Variants in TEX11 observed in about 807,000 individuals in gnomAD.
TEX11 encodes testis expressed 11, also known as testis-expressed protein 11.
Under a neutral mutation model 84.4 loss-of-function variants are expected in TEX11, and 7 were observed. The ratio of observed to expected loss-of-function variants is 0.08; its 90% confidence interval spans 0.05 to 0.16. The LOEUF is 0.16. Among genes scored for constraint, TEX11 ranks in the 10% least tolerant of loss-of-function variants. TEX11 has a pLI of 1.00. For missense variants in TEX11, 551 were observed against 660.5 expected (o/e 0.83, Z 1.82); for synonymous variants, 264 against 222.8 (o/e 1.18, Z -1.64).
intron 8 of TEX11, among the ~76,000 whole-genome samples, chrX:70,830,031 T>C (rs757986285): frequency 6.4e-5 from 7 of 109,665 alleles, no homozygotes; most frequent in Non-Finnish European, 1.1e-4. Context: ...ACACTGAATG[T>C]AAATAGACTA....
Position 70,593,785 on chromosome X carries a change from A to T in TEX11, c.2068-1962T>A, listed in dbSNP as rs139215372. ...ATCAACATTAGGTTTGACTTAGCAG[A>T]GGAAGCAATCAGCAAACATGAAGAT... On this transcript the variant is annotated intron_variant, in intron 24 of 29. Coordinates refer to ENST00000374333, the MANE Select transcript of TEX11 (RefSeq NM_031276.3). Among the ~76,000 whole-genome samples, 13 of 111,479 alleles carry T rather than the reference A, an allele frequency of 1.2e-4. No individual in the cohort carries two copies. In the East Asian group the frequency reaches 3.1e-3, roughly 26 times the overall value.
intron 8 of TEX11, among the ~76,000 whole-genome samples, chrX:70,823,547 A>T (rs2091329563): frequency 9.0e-6 from 1 of 111,466 alleles, no homozygotes; most frequent in Admixed American, 9.6e-5. Context: ...TTATTTGTCA[A>T]TTCTACCAAA....
At chrX:70,816,850 A>T (rs1282423045) in intron 8 of TEX11, among the ~76,000 whole-genome samples, 1 of 111,489 alleles carries the variant, frequency 9.0e-6, no homozygotes, top group African/African-American at 3.3e-5. Flanking sequence ...GAGGGTAAGC[A>T]CCCAGGGAAA....
intron 15 of TEX11, among the ~76,000 whole-genome samples, chrX:70,676,934 T>C (rs1337165413): frequency 1.8e-5 from 2 of 112,079 alleles, no homozygotes; most frequent in South Asian, 3.7e-4. Context: ...GGTCTTTACG[T>C]ATCTTCCATG....
chrX:70,762,859 T>C (rs181407217), intron 9 of TEX11, among the ~76,000 whole-genome samples: 161 of 109,292 alleles, frequency 1.5e-3, no homozygotes, highest in African/African-American at 5.0e-3. Flanking sequence ...CATGGAAAAA[T>C]CCCATCTCTA....
At chrX:70,738,404 A>T (rs2090711558) in intron 11 of TEX11, among the ~76,000 whole-genome samples, 1 of 112,474 alleles carries the variant, frequency 8.9e-6, no homozygotes, top group Non-Finnish European at 1.9e-5. Flanking sequence ...ATGAGATAAC[A>T]TCTCACGACA....
chrX:70,899,628 C>A (rs1442867907), intron 2 of TEX11, among the ~76,000 whole-genome samples: 1 of 107,750 alleles, frequency 9.3e-6, no homozygotes, highest in Non-Finnish European at 1.9e-5. Flanking sequence ...AATATAGAGG[C>A]TGGGCACCGT....
the TEX11 span, among the ~76,000 whole-genome samples, chrX:70,514,878 G>A: frequency 9.0e-6 from 1 of 110,588 alleles, no homozygotes; most frequent in Non-Finnish European, 1.9e-5. Context: ...GACTAGCTTG[G>A]CCTACATGGT....
intron 15 of TEX11, among the ~76,000 whole-genome samples, chrX:70,671,615 A>G (rs1330540791): frequency 9.1e-6 from 1 of 109,389 alleles, no homozygotes; most frequent in African/African-American, 3.3e-5. Context: ...TCAGTAAAAA[A>G]ATAAATAAAG....
At chrX:70,613,757 T>C (rs1260889002) in intron 20 of TEX11, among the ~76,000 whole-genome samples, 1 of 111,232 alleles carries the variant, frequency 9.0e-6, no homozygotes, top group African/African-American at 3.3e-5. Context: ...CTGGGTAGCA[T>C]AGCTTGTGGC....
At chrX:70,639,281 C>T (rs2147580160) in intron 17 of TEX11, among the ~76,000 whole-genome samples, 1 of 111,981 alleles carries the variant, frequency 8.9e-6, no homozygotes, top group African/African-American at 3.2e-5. Flanking sequence ...CCCACGGAGT[C>T]TCGCTGATTG....
At chrX:70,547,252 G>C (rs1189894156) in intron 28 of TEX11, among the ~76,000 whole-genome samples, 1 of 110,517 alleles carries the variant, frequency 9.0e-6, no homozygotes, top group African/African-American at 3.3e-5. Context: ...CTGCAAATGG[G>C]CAAGGGGAAA....
In TEX11 at chrX:70,740,600, TGA is replaced by T. The variant is rs745622871; in HGVS notation, c.843+99_843+100del. On this transcript the variant is annotated intron_variant, in intron 11 of 29. Transcript: ENST00000374333. ...CTATAGAAGAGATTATAACAATCTG[TGA>T]GAGTAAATGCTGAAGCAAATGTCTA... The T allele has an allele frequency of 2.1e-4, 99 of 481,423 alleles. No individual in the cohort carries two copies. The East Asian group carries it at 3.8e-3, about 19-fold the overall frequency. 39.7% of individuals were successfully genotyped at this position (481,423 alleles called of 1,213,427 possible).
the TEX11 span, among the ~76,000 whole-genome samples, chrX:70,513,528 T>C: frequency 9.4e-6 from 1 of 106,826 alleles, no homozygotes; most frequent in Non-Finnish European, 1.9e-5. Context: ...TTGTCCTATG[T>C]TGCCCCAGCT....
the TEX11 span, among the ~76,000 whole-genome samples, chrX:70,517,962 G>A: frequency 9.1e-6 from 1 of 110,416 alleles, no homozygotes; most frequent in South Asian, 3.9e-4. Context: ...GGGATCGGTG[G>A]TGATATCCCC....
intron 8 of TEX11, among the ~76,000 whole-genome samples, chrX:70,808,153 A>G (rs2091231537): frequency 9.9e-6 from 1 of 101,165 alleles, no homozygotes; most frequent in Non-Finnish European, 2.0e-5. Context: ...AGAATGAATG[A>G]ATAAGACCAA....
chrX:70,724,518 T>C (rs773649207), intron 12 of TEX11, among the ~76,000 whole-genome samples: 1 of 111,763 alleles, frequency 8.9e-6, no homozygotes, highest in Non-Finnish European at 1.9e-5. Context: ...CTCTTAAAGA[T>C]TACTGAAAAG....
intron 28 of TEX11, among the ~76,000 whole-genome samples, chrX:70,542,180 G>T (rs2088054295): frequency 9.0e-6 from 1 of 110,796 alleles, no homozygotes; most frequent in Non-Finnish European, 1.9e-5. Context: ...AGGTGATAAG[G>T]TCATAAGAGG....
intron 13 of TEX11, among the ~76,000 whole-genome samples, chrX:70,713,694 T>C (rs1226578261): frequency 4.5e-5 from 5 of 111,400 alleles, no homozygotes; most frequent in Non-Finnish European, 9.4e-5. Context: ...TCTTCTTTAT[T>C]AGTCTTGCTA....
Sources: allele counts gnomAD v4.1 joint callset (sites outside exome capture counted in the v4.1 genomes callset), GRCh38; gene constraint gnomAD v4.1.1; transcripts MANE v1.5; gene names NCBI Gene and HGNC (gene_info 2026-07-23, HGNC 2026-07-21).